The following PRMT9 variants were observed in gnomAD, a reference collection of about 807,000 sequenced individuals.
PRMT9 encodes the protein protein arginine N-methyltransferase 9.
PRMT9 carries 59 observed loss-of-function variants against 83.2 expected under a neutral mutation model. The observed-to-expected ratio is 0.71, with a 90% CI of 0.57 to 0.88. PRMT9 has a LOEUF of 0.88. Among genes scored for constraint, PRMT9 ranks in the 40% least tolerant of loss-of-function variants. PRMT9 has a pLI of 0.00. For missense variants in PRMT9, 947 were observed against 1,021.9 expected (o/e 0.93, Z 1.00); for synonymous variants, 333 against 353.2 (o/e 0.94, Z 0.64).
intron 1 of PRMT9, among the ~76,000 whole-genome samples, chr4:147,681,782 A>T (rs1396523512): frequency 3.1e-5 from 1 of 32,510 alleles, no homozygotes; most frequent in Non-Finnish European, 1.2e-4. Flanking sequence ...GTGAGACTCT[A>T]TAAAAAAAAA....
intron 8 of PRMT9, 26 bp from the exon 9 acceptor site, chr4:147,654,592 A>T: frequency 6.9e-7 from 1 of 1,449,244 alleles, no homozygotes; most frequent in Non-Finnish European, 9.7e-7. Flanking sequence ...AGGAAGAAAA[A>T]AAATATGGAG....
At chr4:147,655,873 T>C (rs1039974940) in intron 8 of PRMT9, among the ~76,000 whole-genome samples, 1 of 151,944 alleles carries the variant, frequency 6.6e-6, no homozygotes, top group Non-Finnish European at 1.5e-5. Context: ...GTCCTTTCTC[T>C]AAGAAGGTTT....
chr4:147,658,540 T>C (rs560704808), intron 7 of PRMT9, among the ~76,000 whole-genome samples: 1 of 152,156 alleles, frequency 6.6e-6, no homozygotes, highest in Non-Finnish European at 1.5e-5. Flanking sequence ...GCATGACTTT[T>C]GAAATTAAAA....
At position 147,654,577 on chromosome 4, in the gene PRMT9, T is replaced by C. The variant is rs767910171; in HGVS notation, c.1331-11A>G. On this transcript the variant is annotated splice_polypyrimidine_tract_variant and intron_variant, in intron 8 of 11. Coordinates refer to ENST00000322396, the MANE Select transcript of PRMT9 (RefSeq NM_138364.4). Reference sequence around the variant, plus strand: ...GCTTTATCCAGTAGTCTTCATTAAATAGTAAGGAAGAAAAAAAATATGGAG... The same window carrying C: ...GCTTTATCCAGTAGTCTTCATTAAACAGTAAGGAAGAAAAAAAATATGGAG... The C allele has an allele frequency of 1.3e-5, 21 of 1,569,544 alleles. No individual in the cohort carries two copies. Among genetic ancestry groups the C allele is most frequent in the South Asian group, 2.2e-5 (2 of 90,168 alleles).
At chr4:147,666,739 TC>T (rs1165143815) in intron 6 of PRMT9, among the ~76,000 whole-genome samples, 2 of 151,952 alleles carry the variant, frequency 1.3e-5, no homozygotes, top group Admixed American at 1.3e-4. Context: ...TATAAATGTT[TC>T]TACCAGGTAA....
At chr4:147,642,557 T>C (rs533201268) in intron 10 of PRMT9, among the ~76,000 whole-genome samples, 2 of 152,298 alleles carry the variant, frequency 1.3e-5, no homozygotes, top group Admixed American at 6.5e-5. Flanking sequence ...TATAAACTTT[T>C]ATCAGCAGTC....
Position 147,642,898 on chromosome 4 carries a change from C to T in PRMT9, c.2088G>A (p.Val696=). The change falls in exon 10 of 12, where the codon GTG becomes GTA. Residue 696 remains valine (V), a synonymous_variant. Coordinates refer to ENST00000322396, the MANE Select transcript of PRMT9 (RefSeq NM_138364.4). ...ATTCCACAAGCAACCCAAACATCAGCACATACTGAGGAAAGATCTTGCCTC... is the reference window on the plus strand; with the variant it reads ...ATTCCACAAGCAACCCAAACATCAGTACATACTGAGGAAAGATCTTGCCTC... The part of the protein sequence containing the change: ...QSGGKIFPQY[V]LMFGLLVESQ... 2 of 1,614,080 alleles carry T rather than the reference C, an allele frequency of 1.2e-6. No homozygotes were observed. Among genetic ancestry groups the T allele is most frequent in the Admixed American group, 3.3e-5 (2 of 60,028 alleles).
At chr4:147,650,169 G>C (rs903989646) in intron 9 of PRMT9, among the ~76,000 whole-genome samples, 1 of 152,150 alleles carries the variant, frequency 6.6e-6, no homozygotes, top group Non-Finnish European at 1.5e-5. Context: ...AGTACTGGAA[G>C]TCCTCACCAG....
chr4:147,668,583 T>C lies in PRMT9; in HGVS notation c.909A>G (p.Ile303Met), dbSNP rs754690608. 9.9e-6 allele frequency: 16 copies of C among 1,612,478 alleles called. No homozygotes were observed. Among genetic ancestry groups the C allele is most frequent in the Non-Finnish European group, 1.4e-5 (16 of 1,179,080 alleles). ...YGKVIPASAVIFGMAVECAEI... is the reference protein window; with the variant it reads ...YGKVIPASAVMFGMAVECAEI... ...CTGCACATTCTACTGCCATCCCAAATATAACAGCACTTGCTGGTATAACTT... is the reference window on the plus strand; with the variant it reads ...CTGCACATTCTACTGCCATCCCAAACATAACAGCACTTGCTGGTATAACTT... Residue 303 changes from isoleucine to methionine, a missense_variant, in exon 6 of 12, where the codon ATA (isoleucine) becomes ATG (methionine). Coordinates refer to ENST00000322396, the MANE Select transcript of PRMT9 (RefSeq NM_138364.4).
chr4:147,661,489 G>A (rs1222061305), intron 6 of PRMT9, among the ~76,000 whole-genome samples: 2 of 152,064 alleles, frequency 1.3e-5, no homozygotes, highest in Non-Finnish European at 2.9e-5. Context: ...CCCAGGAAAT[G>A]GAGTTAAAAT....
intron 8 of PRMT9, among the ~76,000 whole-genome samples, chr4:147,657,057 T>A (rs1259092644): frequency 6.6e-6 from 1 of 151,970 alleles, no homozygotes; most frequent in Admixed American, 6.6e-5. Flanking sequence ...TTCAGATTCA[T>A]GAACTCTCTA....
At chr4:147,668,676 T>C in intron 5 of PRMT9, 31 bp from the exon 6 acceptor site, 1 of 1,258,344 alleles carries the variant, frequency 7.9e-7, no homozygotes, top group Middle Eastern at 1.9e-4. Flanking sequence ...AATTATGTTA[T>C]CACATGTATG....
intron 7 of PRMT9, among the ~76,000 whole-genome samples, chr4:147,660,563 G>A (rs570174313): frequency 1.3e-4 from 20 of 152,304 alleles, no homozygotes; most frequent in Admixed American, 1.0e-3. Context: ...CTGGGAGGTC[G>A]AGGCTGCAGT....
intron 8 of PRMT9, 61 bp downstream of exon 8, chr4:147,657,726 TGCCAC>T: frequency 3.2e-6 from 4 of 1,232,056 alleles, no homozygotes; most frequent in African/African-American, 1.5e-5. Context: ...ATTTTTTTTT[TGCCAC>T]TGACTTGAAT....
intron 8 of PRMT9, among the ~76,000 whole-genome samples, chr4:147,657,388 A>G (rs183459557): frequency 6.6e-6 from 1 of 152,150 alleles, no homozygotes; most frequent in African/African-American, 2.4e-5. Flanking sequence ...AGCCAGGCGC[A>G]GCAGCGGGCG....
chr4:147,672,720 T>G (rs1248955865), intron 4 of PRMT9, among the ~76,000 whole-genome samples: 1 of 152,168 alleles, frequency 6.6e-6, no homozygotes, highest in Non-Finnish European at 1.5e-5. Context: ...TAAAGTAACT[T>G]GCTAAGATCA....
At chr4:147,682,330 C>T (rs938670634) in intron 1 of PRMT9, among the ~76,000 whole-genome samples, 1 of 152,168 alleles carries the variant, frequency 6.6e-6, no homozygotes, top group African/African-American at 2.4e-5. Context: ...CAGGCATGCA[C>T]CACCACGCCC....
In PRMT9 at chr4:147,684,159, G is replaced by C; in HGVS notation, c.-172C>G. 1.3e-6 allele frequency: 1 copy of C among 774,408 alleles called. No homozygotes were observed. Among genetic ancestry groups the C allele is most frequent in the Non-Finnish European group, 2.1e-6 (1 of 472,270 alleles). 48.0% of individuals were successfully genotyped at this position (774,408 alleles called of 1,614,324 possible). A position where few individuals can be genotyped will look rare whatever the true frequency, so the allele number is the denominator to read the frequency against. On this transcript the variant is annotated 5_prime_UTR_variant, in exon 1 of 12. Transcript: ENST00000322396. Reference sequence around the variant, plus strand: ...CCAGCCCAGGCGGAAGCTCCGCCCCGTCCTGGCCCCGCGGGCGGCGCAGAC... The same window carrying C: ...CCAGCCCAGGCGGAAGCTCCGCCCCCTCCTGGCCCCGCGGGCGGCGCAGAC...
rs745903752 is a variant in PRMT9, at chr4:147,668,649, A to G, written c.847-4T>C. 9.2e-6 allele frequency: 14 copies of G among 1,529,876 alleles called. No individual in the cohort carries two copies. The South Asian group carries it at 1.6e-4, about 17-fold the overall frequency. 94.8% of individuals were successfully genotyped at this position (1,529,876 alleles called of 1,614,324 possible). ...AATTAGCACTTTCACCTTTGGTCTA[A>G]AAAAAATAACAATAAGAATTATGTT... On this transcript the variant is annotated splice_region_variant and splice_polypyrimidine_tract_variant and intron_variant, in intron 5 of 11. Transcript: ENST00000322396.
Sources: allele counts gnomAD v4.1 joint callset (sites outside exome capture counted in the v4.1 genomes callset), GRCh38; gene constraint gnomAD v4.1.1; transcripts MANE v1.5; gene names NCBI Gene and HGNC (gene_info 2026-07-23, HGNC 2026-07-21).